Variants in PCDH19 observed in about 807,000 individuals in gnomAD.
The protein encoded by PCDH19 is protocadherin-19.
In PCDH19, 6 loss-of-function variants were observed where a neutral mutation model predicts 46.2. The observed-to-expected ratio is 0.13, with a 90% confidence interval of 0.07 to 0.26. PCDH19 has a LOEUF of 0.26. PCDH19 is among the 10% of genes least tolerant of loss of function. The pLI is 1.00. For synonymous variants in PCDH19, 481 were observed against 415.7 expected (o/e 1.16, Z -1.91); for missense variants, 740 against 972.3 (o/e 0.76, Z 3.18).
intron 5 of PCDH19, among the ~76,000 whole-genome samples, chrX:100,334,769 T>TGG (rs1373981732): frequency 9.2e-6 from 1 of 109,001 alleles, no homozygotes; most frequent in Non-Finnish European, 1.9e-5. Context: ...TGTGTGTGTG[T>TGG]GTGTGTGTAT....
chrX:100,305,436 C>A (rs1418132331), intron 5 of PCDH19, among the ~76,000 whole-genome samples: 2 of 111,811 alleles, frequency 1.8e-5, no homozygotes, highest in Admixed American at 9.5e-5. Context: ...AATCTTGAAA[C>A]AAGTCCTTGA....
At position 100,296,840 on chromosome X, in the gene PCDH19, G is replaced by A. The variant is rs779085409; in HGVS notation, c.2884C>T (p.Arg962Trp). ...NEGFHCREEC[R>W]ILGHSDRCWM... ...CACCTGTCAGAGTGGCCAAGAATCC[G>A]GCATTCTTCCCGGCAATGAAATCCT... Residue 962 changes from arginine (R) to tryptophan (W), a missense_variant, in exon 6 of 6, where the codon CGG becomes TGG. This residue lies in a region of PCDH19 where 416 missense variants were observed against 476.8 expected (regional missense o/e 0.87). Transcript: ENST00000373034. The A allele has an allele frequency of 6.6e-6, 8 of 1,209,942 alleles. No homozygotes were observed. The South Asian group carries it at 1.1e-4, about 16-fold the overall frequency.
At chrX:100,391,227 A>C (rs1927852638) in intron 3 of PCDH19, among the ~76,000 whole-genome samples, 1 of 111,690 alleles carries the variant, frequency 9.0e-6, no homozygotes, top group Non-Finnish European at 1.9e-5. Context: ...TAATCAACAT[A>C]ATTTATGTTT....
chrX:100,320,168 T>G (rs185764094), intron 5 of PCDH19, among the ~76,000 whole-genome samples: 1 of 111,840 alleles, frequency 8.9e-6, no homozygotes, highest in African/African-American at 3.2e-5. Context: ...GCCCTGGTCT[T>G]TAGAAATACA....
intron 3 of PCDH19, among the ~76,000 whole-genome samples, chrX:100,395,213 G>A (rs1927993769): frequency 8.9e-6 from 1 of 112,230 alleles, no homozygotes; most frequent in Non-Finnish European, 1.9e-5. Flanking sequence ...AAGCAAACAA[G>A]ATATGTGAAA....
At chrX:100,395,736 A>T (rs905271227) in intron 3 of PCDH19, among the ~76,000 whole-genome samples, 4 of 113,244 alleles carry the variant, frequency 3.5e-5, no homozygotes, top group Non-Finnish European at 7.5e-5. Context: ...CAGCTGCAGG[A>T]ATGTTCCTCA....
rs574181511 is a variant in PCDH19 at position 100,301,167 on chromosome X, C to T, written c.2849-4292G>A. On this transcript the variant is annotated intron_variant, in intron 5 of 5. Coordinates refer to ENST00000373034, the MANE Select transcript of PCDH19 (RefSeq NM_001184880.2). ...ACACTAGAAAGAGCCTACCCATGGT[C>T]CCCACCAAAGTAATAAAAGAAAATG... Among the ~76,000 whole-genome samples, 39 of 111,658 alleles carry T rather than the reference C, an allele frequency of 3.5e-4. No individual in the cohort carries two copies. In the South Asian group the frequency reaches 0.011, roughly 30 times the overall value.
intron 3 of PCDH19, among the ~76,000 whole-genome samples, chrX:100,365,780 A>AC (rs1447249026): frequency 9.1e-6 from 1 of 110,421 alleles, no homozygotes; most frequent in African/African-American, 3.3e-5. Context: ...ACTTACAACC[A>AC]CCCCCAAAGC....
chrX:100,407,563 G>T lies in PCDH19; in HGVS notation c.1035C>A (p.Val345=). ...CACTGTTGACTGACAGCAGGTTGAT[G>T]ACCGGCGGATTGTCATTGGTGTCCA... ...SVLDTNDNPP[V]INLLSVNSEL... Residue 345 remains valine (V), a synonymous_variant, in exon 1 of 6, where the codon GTC becomes GTA. Transcript: ENST00000373034. 8.3e-7 allele frequency: 1 copy of T among 1,211,336 alleles called. No individual in the cohort carries two copies.
chrX:100,363,716 A>G (rs1474118924), intron 3 of PCDH19, among the ~76,000 whole-genome samples: 1 of 100,301 alleles, frequency 1.0e-5, no homozygotes, highest in African/African-American at 3.6e-5. Flanking sequence ...TATTTTATAT[A>G]TAATATATTT....
intron 5 of PCDH19, among the ~76,000 whole-genome samples, chrX:100,318,619 A>G (rs1240449826): frequency 8.9e-6 from 1 of 112,356 alleles, no homozygotes; most frequent in Non-Finnish European, 1.9e-5. Flanking sequence ...GGAAAGAAAG[A>G]ACAGGTCATT....
In PCDH19 at chrX:100,408,007, G is replaced by A. The variant is rs374554305; in HGVS notation, c.591C>T (p.Asp197=). Residue 197 remains aspartate (D), a synonymous_variant, in exon 1 of 6, where the codon GAC becomes GAT. Coordinates refer to ENST00000373034, the MANE Select transcript of PCDH19 (RefSeq NM_001184880.2). ...AGCTGTAGTGCGACTGCGTCTCGCG[G>A]TCCAGGCTCTTTTCCACCACGAGTT... ...FAELVVEKSL[D]RETQSHYSFR... The A allele has an allele frequency of 5.1e-5, 61 of 1,207,185 alleles. No individual in the cohort carries two copies. The highest frequency in any genetic ancestry group is 6.8e-5 in the Non-Finnish European group (61 of 895,467).
intron 5 of PCDH19, among the ~76,000 whole-genome samples, chrX:100,336,909 T>C (rs1486803821): frequency 8.9e-6 from 1 of 111,782 alleles, no homozygotes; most frequent in Admixed American, 9.5e-5. Context: ...CCCAATCTCA[T>C]ATCAGGATTA....
chrX:100,340,197 A>C (rs1391648798), intron 5 of PCDH19, among the ~76,000 whole-genome samples: 1 of 111,965 alleles, frequency 8.9e-6, no homozygotes, highest in African/African-American at 3.2e-5. Context: ...CACAGTACAC[A>C]TATATAGATA....
At chrX:100,316,077 C>T (rs990441574) in intron 5 of PCDH19, among the ~76,000 whole-genome samples, 1 of 111,849 alleles carries the variant, frequency 8.9e-6, no homozygotes, top group Non-Finnish European at 1.9e-5. Context: ...TAGTGAGTGT[C>T]TTATCACCCT....
At chrX:100,373,737 G>T (rs1927291460) in intron 3 of PCDH19, among the ~76,000 whole-genome samples, 1 of 111,844 alleles carries the variant, frequency 8.9e-6, no homozygotes, top group Non-Finnish European at 1.9e-5. Flanking sequence ...GAATTTCCTT[G>T]TGAGGGAAAA....
At chrX:100,339,794 G>GCA (rs1055455277) in intron 5 of PCDH19, among the ~76,000 whole-genome samples, 1 of 111,797 alleles carries the variant, frequency 8.9e-6, no homozygotes. Context: ...CTCACTCAAG[G>GCA]GTTGGCTCAA....
chrX:100,352,651 C>T (rs183167072), intron 3 of PCDH19, among the ~76,000 whole-genome samples: 53 of 111,784 alleles, frequency 4.7e-4, no homozygotes, highest in African/African-American at 1.4e-3. Flanking sequence ...GTTCTTATCA[C>T]ATCTGGTTAT....
chrX:100,370,798 T>G, intron 3 of PCDH19, among the ~76,000 whole-genome samples: 1 of 111,410 alleles, frequency 9.0e-6, no homozygotes, highest in East Asian at 2.8e-4. Flanking sequence ...TCCTATAATC[T>G]TTCATTTTTA....
Sources: gnomAD v4.1 joint callset for allele counts (sites outside exome capture counted in the v4.1 genomes callset) on GRCh38, gnomAD v4.1.1 for gene constraint, gnomAD v4.1.1 regional missense constraint, MANE v1.5 for transcripts, NCBI Gene and HGNC (gene_info 2026-07-23, HGNC 2026-07-21) for gene names.